CDH13: variants seen among roughly 807,000 people sequenced by gnomAD.
CDH13 encodes the protein cadherin 13.
A neutral mutation model predicts 63.8 loss-of-function variants in CDH13; 24 were observed. That is an observed-to-expected ratio of 0.38 (90% confidence interval 0.27 to 0.53). The LOEUF is 0.53. Among genes scored for constraint, CDH13 ranks in the 20% least tolerant of loss-of-function variants. The pLI is 0.85. For synonymous variants in CDH13, 503 were observed against 355.3 expected, an observed-to-expected ratio of 1.42 and a Z score of -4.67; for missense variants, 1,049 against 903.1, an observed-to-expected ratio of 1.16 and a Z score of -2.07.
chr16:83,623,832 G>T (rs1207041604), intron 8 of CDH13, among the ~76,000 whole-genome samples: 1 of 152,124 alleles, frequency 6.6e-6, no homozygotes, highest in African/African-American at 2.4e-5. Flanking sequence ...TTCAGCTCTG[G>T]GAAATTGAAA....
intron 4 of CDH13, among the ~76,000 whole-genome samples, chr16:83,214,048 G>C (rs1308884911): frequency 1.3e-5 from 2 of 152,054 alleles, no homozygotes; most frequent in Admixed American, 6.5e-5. Context: ...GGACAAATAA[G>C]GGAATAAAAG....
At chr16:82,790,544 A>C (rs960343095) in intron 1 of CDH13, among the ~76,000 whole-genome samples, 3 of 152,214 alleles carry the variant, frequency 2.0e-5, no homozygotes, top group Non-Finnish European at 4.4e-5. Flanking sequence ...TATTTGGTCA[A>C]GTGAAAATAA....
At chr16:83,511,109 C>T (rs1567724701) in intron 7 of CDH13, among the ~76,000 whole-genome samples, 2 of 104,268 alleles carry the variant, frequency 1.9e-5, no homozygotes, top group Admixed American at 1.8e-4. Context: ...CACATGCACG[C>T]ATGCACACAC....
At chr16:83,278,509 T>C (rs748557839) in intron 5 of CDH13, among the ~76,000 whole-genome samples, 1 of 152,156 alleles carries the variant, frequency 6.6e-6, no homozygotes, top group Non-Finnish European at 1.5e-5. Flanking sequence ...CCGTTATAGT[T>C]GGTTTTGAGT....
chr16:83,386,357 G>C (rs1053615757), intron 6 of CDH13, among the ~76,000 whole-genome samples: 10 of 152,178 alleles, frequency 6.6e-5, no homozygotes, highest in Non-Finnish European at 1.5e-4. Context: ...GTTGGGGGCA[G>C]CGCTATTATT....
chr16:83,481,142 G>A (rs1232510988), intron 6 of CDH13, among the ~76,000 whole-genome samples: 2 of 152,136 alleles, frequency 1.3e-5, no homozygotes, highest in African/African-American at 4.8e-5. Flanking sequence ...TGCCATCTCT[G>A]CTCATGTTTG....
chr16:83,692,365 C>T (rs988208096), intron 10 of CDH13, among the ~76,000 whole-genome samples: 3 of 152,200 alleles, frequency 2.0e-5, no homozygotes, highest in African/African-American at 7.2e-5. Flanking sequence ...CCTAGGGATG[C>T]ATTCTTCCCG....
chr16:82,867,576 G>C (rs1338867701), intron 2 of CDH13, among the ~76,000 whole-genome samples: 1 of 152,120 alleles, frequency 6.6e-6, no homozygotes, highest in Non-Finnish European at 1.5e-5. Context: ...TTAGCAGCCA[G>C]GTCCTCCATG....
chr16:82,751,730 G>C (rs1288204027), intron 1 of CDH13, among the ~76,000 whole-genome samples: 1 of 151,222 alleles, frequency 6.6e-6, no homozygotes, highest in African/African-American at 2.4e-5. Flanking sequence ...AGTTTTGTCT[G>C]CTTTTTAGAC....
intron 3 of CDH13, among the ~76,000 whole-genome samples, chr16:83,123,036 T>G (rs2151640547): frequency 6.6e-6 from 1 of 152,276 alleles, no homozygotes; most frequent in East Asian, 1.9e-4. Flanking sequence ...GGCATTTTTC[T>G]GTTTGAGTTA....
chr16:82,878,071 G>C (rs1217230444), intron 2 of CDH13, among the ~76,000 whole-genome samples: 2 of 152,018 alleles, frequency 1.3e-5, no homozygotes, highest in African/African-American at 4.8e-5. Context: ...GCTTTGAAAT[G>C]TCTTCCCATA....
intron 2 of CDH13, among the ~76,000 whole-genome samples, chr16:82,931,423 G>A (rs1324653093): frequency 1.3e-5 from 2 of 151,964 alleles, no homozygotes; most frequent in Admixed American, 6.5e-5. Flanking sequence ...AAATGCTTCA[G>A]CCATTCAACC....
At chr16:82,964,222 C>G (rs1220059744) in intron 2 of CDH13, among the ~76,000 whole-genome samples, 1 of 152,216 alleles carries the variant, frequency 6.6e-6, no homozygotes, top group Non-Finnish European at 1.5e-5. Flanking sequence ...GAGGCATAGG[C>G]TGATGTAATT....
chr16:83,000,738 C>A (rs1346095269), intron 2 of CDH13, among the ~76,000 whole-genome samples: 3 of 151,982 alleles, frequency 2.0e-5, no homozygotes, highest in Non-Finnish European at 4.4e-5. Flanking sequence ...CGCCACCATG[C>A]CCGGCTAATT....
chr16:82,939,991 G>A (rs2042783789), intron 2 of CDH13, among the ~76,000 whole-genome samples: 1 of 152,164 alleles, frequency 6.6e-6, no homozygotes, highest in Non-Finnish European at 1.5e-5. Context: ...TGTGGCAGCA[G>A]ACAGGAGAGA....
intron 1 of CDH13, among the ~76,000 whole-genome samples, chr16:82,755,256 A>G (rs2034570209): frequency 6.6e-6 from 1 of 152,164 alleles, no homozygotes; most frequent in South Asian, 2.1e-4. Context: ...TAAGTGAGAT[A>G]TGCATTCTGT....
intron 8 of CDH13, among the ~76,000 whole-genome samples, chr16:83,654,563 C>T (rs1379332883): frequency 6.6e-6 from 1 of 152,020 alleles, no homozygotes; most frequent in Non-Finnish European, 1.5e-5. Context: ...AGATTGTTAG[C>T]CCCAGGATGA....
In CDH13 at chr16:83,270,531, A is replaced by G. The variant is rs549147321; in HGVS notation, c.636+53034A>G. Among the ~76,000 whole-genome samples, 9 of 152,334 alleles carry G rather than the reference A, an allele frequency of 5.9e-5. No individual in the cohort carries two copies. In the East Asian group the frequency reaches 1.5e-3, roughly 26 times the overall value. On this transcript the variant is annotated intron_variant, in intron 5 of 13. Coordinates refer to ENST00000567109, the MANE Select transcript of CDH13 (RefSeq NM_001257.5). ...GCATCAATTATCAATGTCGGTATCCATGGAAAAGACATGAGTATGCAAACA... is the reference window on the plus strand; with the variant it reads ...GCATCAATTATCAATGTCGGTATCCGTGGAAAAGACATGAGTATGCAAACA...
rs564804176 is a variant in CDH13 at position 83,387,729 on chromosome 16, A to G, written c.781+42723A>G. On this transcript the variant is annotated intron_variant, in intron 6 of 13. Transcript: ENST00000567109. ...TGCCTTATGAATGGCGAAGTGGACA[A>G]TGGGGACCAGTGAGAAGAGGCTCTT... Among the ~76,000 whole-genome samples, 4 of 152,332 alleles carry G rather than the reference A, an allele frequency of 2.6e-5. No individual in the cohort carries two copies. The East Asian group carries it at 7.7e-4, about 29-fold the overall frequency.
Sources: allele counts gnomAD v4.1 joint callset (sites outside exome capture counted in the v4.1 genomes callset), GRCh38; gene constraint gnomAD v4.1.1; transcripts MANE v1.5; gene names NCBI Gene and HGNC (gene_info 2026-07-23, HGNC 2026-07-21).